FGG: variants seen among roughly 807,000 people sequenced by gnomAD.
The protein encoded by FGG is fibrinogen gamma chain.
In FGG, 20 loss-of-function variants were observed where a neutral mutation model predicts 51.7. That is an observed-to-expected ratio of 0.39 (90% CI 0.27 to 0.56). The LOEUF is 0.56. Ranked by LOEUF, FGG falls within the 20% of genes least tolerant of loss-of-function variation. The probability of loss-of-function intolerance (pLI) is 0.64; values close to 1 mark genes in which losing one functional copy is unlikely to be tolerated. For synonymous variants in FGG, 184 were observed against 184.7 expected (o/e 1.00, Z 0.03); for missense variants, 460 against 534.2 (o/e 0.86, Z 1.37).
chr4:154,604,455 GAA>G lies in FGG; in HGVS notation c.*377_*378del, dbSNP rs1446002405. On this transcript the variant is annotated 3_prime_UTR_variant, in exon 9 of 9. Coordinates refer to ENST00000336098, the MANE Select transcript of FGG (RefSeq NM_021870.3). ...GAATGATTTAGGGGTAATAAACAAG[GAA>G]AATACCTGGGAATTTGAAACTCTAA... is the stretch of plus-strand genomic sequence containing the variant. 9.6e-6 allele frequency: 11 copies of G among 1,149,726 alleles called. No homozygotes were observed. The Middle Eastern group carries it at 9.1e-4, about 95-fold the overall frequency. The allele number at this position is 1,149,726 out of a possible 1,614,324, so 71.2% of individuals were successfully genotyped here.
intron 3 of FGG, 55 bp from the exon 4 acceptor site, chr4:154,611,953 C>T (rs1731222267): frequency 3.1e-6 from 5 of 1,604,604 alleles, no homozygotes; most frequent in Admixed American, 1.7e-5. Flanking sequence ...ACAACTAAAA[C>T]AACAGCAAAA....
intron 5 of FGG, 94 bp downstream of exon 5, chr4:154,609,973 T>G: frequency 1.3e-6 from 2 of 1,575,440 alleles, no homozygotes; most frequent in Non-Finnish European, 1.7e-6. Flanking sequence ...GGGTAGCCAC[T>G]TTCTAAACTA....
rs1731071426 is a variant in FGG at position 154,604,978 on chromosome 4, C to T, written c.1218G>A (p.Lys406=). The T allele has an allele frequency of 6.2e-7, 1 of 1,613,986 alleles. No individual in the cohort carries two copies. The highest frequency in any genetic ancestry group is 1.1e-5 in the South Asian group (1 of 91,076). The change falls in exon 9 of 9, where the codon AAG becomes AAA. Residue 406 remains lysine (K), a synonymous_variant. Coordinates refer to ENST00000336098, the MANE Select transcript of FGG (RefSeq NM_021870.3). ...ATGGGATTATCTTCATAGTGGTTTT[C>T]TTCATGGAATACCACCGGGTTTTCC... ...ATWKTRWYSM[K]KTTMKIIPFN...
chr4:154,607,928 G>C (rs1173932905), intron 7 of FGG, among the ~76,000 whole-genome samples: 1 of 152,084 alleles, frequency 6.6e-6, no homozygotes, highest in Admixed American at 6.6e-5. Flanking sequence ...AAAAGAGCTA[G>C]CTGGTTTACT....
chr4:154,606,574 G>A (rs756937281), intron 8 of FGG, 131 bp downstream of exon 8: 47 of 1,100,632 alleles, frequency 4.3e-5, no homozygotes, highest in Non-Finnish European at 5.9e-5. Flanking sequence ...GAACTTAGTT[G>A]AAATAAAGAA....
intron 7 of FGG, among the ~76,000 whole-genome samples, chr4:154,607,871 C>T (rs1214919696): frequency 6.6e-6 from 1 of 152,032 alleles, no homozygotes; most frequent in African/African-American, 2.4e-5. Flanking sequence ...GGTAACAATG[C>T]TTAAAACCTT....
intron 5 of FGG, 68 bp from the exon 6 acceptor site, chr4:154,609,831 T>C (rs1731169123): frequency 1.2e-6 from 2 of 1,609,452 alleles, no homozygotes; most frequent in East Asian, 2.2e-5. Flanking sequence ...CCTTGAAAAA[T>C]AGCTTTTAAC....
rs62637584 is a variant in FGG at position 154,612,536 on chromosome 4, A to G, written c.74T>C (p.Val25Ala). 1 of 1,613,902 alleles carries G rather than the reference A, an allele frequency of 6.2e-7. No individual in the cohort carries two copies. Among genetic ancestry groups the G allele is most frequent in the African/African-American group, 1.3e-5 (1 of 74,930 alleles). ...YALLFLSSTC[V>A]AYVATRDNCC... ...TTTTGTGAAGAGCACACTTACTGCT[A>G]CACATGTTGAAGAGAGAAATAAAAG... is the stretch of plus-strand genomic sequence containing the variant. Residue 25 changes from valine (V) to alanine (A), a missense_variant, in exon 1 of 9, where the codon GTA becomes GCA. Around this residue, in one of 3 missense-constraint regions of FGG, gnomAD observed 353 missense variants for 391.7 expected, o/e 0.90. Coordinates refer to ENST00000336098, the MANE Select transcript of FGG (RefSeq NM_021870.3).
At chr4:154,606,021 C>T (rs1288998155) in intron 8 of FGG, among the ~76,000 whole-genome samples, 1 of 152,110 alleles carries the variant, frequency 6.6e-6, no homozygotes, top group Non-Finnish European at 1.5e-5. Flanking sequence ...GGATTATCTT[C>T]ATAGTGGTTT....
intron 5 of FGG, 134 bp downstream of exon 5, chr4:154,609,933 G>T: frequency 1.3e-6 from 2 of 1,499,990 alleles, no homozygotes; most frequent in South Asian, 2.3e-5. Context: ...TTCAAGAAAG[G>T]TCTAGACAAC....
At position 154,609,803 on chromosome 4, in the gene FGG, C is replaced by T. The variant is rs199725008; in HGVS notation, c.533-40G>A. On this transcript the variant is annotated intron_variant, in intron 5 of 8. Transcript: ENST00000336098. The stretch of plus-strand genomic sequence containing the variant: ...TCGACTTTTACTGTGGTTTGAAATG[C>T]AGGTAAGACTGTGCCAGCCTTGAAA... 5.6e-6 allele frequency: 9 copies of T among 1,613,838 alleles called. No homozygotes were observed. The Admixed American group carries it at 1.3e-4, about 24-fold the overall frequency.
chr4:154,604,679 G>GATATTTA lies in FGG; in HGVS notation c.*154_*155insTAAATAT. 7.0e-7 allele frequency: 1 copy of GATATTTA among 1,434,738 alleles called. No homozygotes were observed. Among genetic ancestry groups the GATATTTA allele is most frequent in the Non-Finnish European group, 9.1e-7 (1 of 1,096,752 alleles). 88.9% of individuals were successfully genotyped at this position (1,434,738 alleles called of 1,614,324 possible). ...TAAATAACTCTGATATCAGTAATTT[G>GATATTTA]GAAATACAGTCCTAAATGAGTTTTA... On this transcript the variant is annotated 3_prime_UTR_variant, in exon 9 of 9. Coordinates refer to ENST00000336098, the MANE Select transcript of FGG (RefSeq NM_021870.3).
intron 6 of FGG, among the ~76,000 whole-genome samples, 194 bp from the exon 7 acceptor site, chr4:154,608,844 A>G (rs2110845120): frequency 6.6e-6 from 1 of 152,310 alleles, no homozygotes; most frequent in African/African-American, 2.4e-5. Flanking sequence ...GGTTGCTGCA[A>G]GGATCATGAG....
chr4:154,609,619 G>T lies in FGG; in HGVS notation c.666+11C>A. 6.2e-7 allele frequency: 1 copy of T among 1,613,670 alleles called. No individual in the cohort carries two copies. Among genetic ancestry groups the T allele is most frequent in the East Asian group, 2.2e-5 (1 of 44,840 alleles). ...GAATTTATTAAATACACATGGTGGG[G>T]AAAAAATTACCTTCTGAAACACAGT... On this transcript the variant is annotated intron_variant, in intron 6 of 8. Coordinates refer to ENST00000336098, the MANE Select transcript of FGG (RefSeq NM_021870.3).
At chr4:154,608,806 A>C (rs1197140508) in intron 6 of FGG, among the ~76,000 whole-genome samples, 156 bp from the exon 7 acceptor site, 4 of 152,218 alleles carry the variant, frequency 2.6e-5, no homozygotes, top group African/African-American at 9.6e-5. Context: ...TCATGTATCA[A>C]ATAGGAAAAA....
chr4:154,604,381 C>A lies in FGG; in HGVS notation c.*453G>T. 6.8e-7 allele frequency: 1 copy of A among 1,481,208 alleles called. No individual in the cohort carries two copies. The highest frequency in any genetic ancestry group is 1.4e-5 in the South Asian group (1 of 71,632). 91.8% of individuals were successfully genotyped at this position (1,481,208 alleles called of 1,614,324 possible). A position where few individuals can be genotyped will look rare whatever the true frequency, so the allele number is the denominator to read the frequency against. The stretch of plus-strand genomic sequence containing the variant: ...TGTGAATATATAACAAAACAAAAAC[C>A]ATATTAAAAAGACATAATTTTCTCC... On this transcript the variant is annotated 3_prime_UTR_variant, in exon 9 of 9. Transcript: ENST00000336098.
At chr4:154,605,858 T>C (rs2110840133) in intron 8 of FGG, among the ~76,000 whole-genome samples, 1 of 152,102 alleles carries the variant, frequency 6.6e-6, no homozygotes, top group East Asian at 2.0e-4. Flanking sequence ...TATGGTTTGC[T>C]ACAAGCCCGG....
rs1378657621 is a variant in FGG, at chr4:154,612,127, T to C, written c.198A>G (p.Leu66=). Residue 66 remains leucine (L), a synonymous_variant, in exon 3 of 9, where the codon CTA becomes CTG. Transcript: ENST00000336098. ...STYQTKVDKD[L]QSLEDILHQV... ...GATGTAAGATGTCTTCCAAAGACTG[T>C]AGATCCTTGTCTACTTTGGTTTGAT... The C allele has an allele frequency of 6.2e-7, 1 of 1,612,540 alleles. No homozygotes were observed. Among genetic ancestry groups the C allele is most frequent in the East Asian group, 2.2e-5 (1 of 44,810 alleles).
chr4:154,608,360 G>T, intron 7 of FGG, 106 bp downstream of exon 7: 1 of 1,132,364 alleles, frequency 8.8e-7, no homozygotes, highest in Non-Finnish European at 1.3e-6. Context: ...TGGATGTGCT[G>T]TTTGCATTTG....
Sources: allele counts gnomAD v4.1 joint callset (sites outside exome capture counted in the v4.1 genomes callset), GRCh38; gene constraint gnomAD v4.1.1; regional missense constraint gnomAD v4.1.1; transcripts MANE v1.5; gene names NCBI Gene and HGNC (gene_info 2026-07-23, HGNC 2026-07-21).